The following KLRG1 variants were observed in gnomAD, a reference collection of about 807,000 sequenced individuals.
KLRG1 encodes killer cell lectin-like receptor subfamily G member 1.
A neutral mutation model predicts 21.8 loss-of-function variants in KLRG1; 16 were observed. The ratio of observed to expected loss-of-function variants is 0.73; its 90% CI spans 0.50 to 1.11. The LOEUF is 1.11. Ranked by LOEUF, KLRG1 falls within the 50% of genes most tolerant of loss-of-function variation. The pLI is 0.00. For missense variants in KLRG1, 173 were observed against 218.3 expected (o/e 0.79, Z 1.31); for synonymous variants, 69 against 75.9 (o/e 0.91, Z 0.47).
chr12:8,959,259 C>G (rs2041624), intron 1 of KLRG1, among the ~76,000 whole-genome samples: 55,078 of 151,940 alleles, frequency 0.36, 11,244 homozygotes, highest in Middle Eastern at 0.47. Flanking sequence ...TATCTGGGGT[C>G]GCAAGATTTA....
At chr12:9,009,194 G>A in intron 4 of KLRG1, 119 bp downstream of exon 4, 3 of 840,546 alleles carry the variant, frequency 3.6e-6, no homozygotes, top group East Asian at 2.7e-5. Context: ...ATGAAAAGGA[G>A]AGGAAATAGG....
chr12:9,141,989 A>G, the KLRG1 span, among the ~76,000 whole-genome samples: 1 of 152,214 alleles, frequency 6.6e-6, no homozygotes, highest in Non-Finnish European at 1.5e-5. Context: ...ATTGTACAAC[A>G]TTTCTTGCAT....
the KLRG1 span, among the ~76,000 whole-genome samples, chr12:9,081,502 G>A: frequency 0.38 from 57,358 of 152,062 alleles, 11,535 homozygotes; most frequent in African/African-American, 0.49. Flanking sequence ...AGTCCAACTA[G>A]CTGCTATCCA....
At chr12:9,102,658 CA>C in the KLRG1 span, among the ~76,000 whole-genome samples, 1 of 152,138 alleles carries the variant, frequency 6.6e-6, no homozygotes, top group Non-Finnish European at 1.5e-5. Flanking sequence ...CCCCAGCTCC[CA>C]ATAGCACTAG....
the KLRG1 span, chr12:9,156,316 C>T: frequency 4.7e-6 from 1 of 210,882 alleles, no homozygotes; most frequent in African/African-American, 2.3e-5. Context: ...CAATGTCACC[C>T]TTTGTCCTAC....
At chr12:9,196,307 C>G in the KLRG1 span, 258 of 1,530,218 alleles carry the variant, frequency 1.7e-4, no homozygotes, top group Non-Finnish European at 2.3e-4. Flanking sequence ...CTTTGCTTAC[C>G]TGTGCATTAC....
the KLRG1 span, among the ~76,000 whole-genome samples, chr12:9,130,907 C>T: frequency 3.4e-4 from 52 of 152,140 alleles, no homozygotes; most frequent in Admixed American, 3.3e-3. Context: ...TGTCTGTTTT[C>T]TTCTAGAAAT....
the KLRG1 span, chr12:9,089,122 A>G: frequency 4.5e-5 from 51 of 1,128,570 alleles, no homozygotes; most frequent in African/African-American, 7.2e-4. Flanking sequence ...GAGAAAGTGT[A>G]GGAATAATAT....
At chr12:9,031,872 C>G in the KLRG1 span, among the ~76,000 whole-genome samples, 1 of 152,122 alleles carries the variant, frequency 6.6e-6, no homozygotes, top group Non-Finnish European at 1.5e-5. Flanking sequence ...CTAGTGCTGC[C>G]CTGACAAAGT....
chr12:9,149,481 T>C, the KLRG1 span: 2 of 1,381,960 alleles, frequency 1.4e-6, no homozygotes, highest in African/African-American at 2.9e-5. Context: ...GGAAAAGCCT[T>C]GTAGAGAATT....
At chr12:9,201,080 A>G in the KLRG1 span, 2 of 1,612,960 alleles carry the variant, frequency 1.2e-6, no homozygotes, top group African/African-American at 1.3e-5. Context: ...AACAAGAAAC[A>G]TGGGCGGTAA....
the KLRG1 span, among the ~76,000 whole-genome samples, chr12:9,040,407 CAGG>C: frequency 8.5e-5 from 13 of 152,156 alleles, no homozygotes; most frequent in Admixed American, 8.5e-4. Flanking sequence ...AGGTTGAAAT[CAGG>C]AGGTTTTTCA....
chr12:9,038,125 G>A, the KLRG1 span, among the ~76,000 whole-genome samples: 1 of 152,286 alleles, frequency 6.6e-6, no homozygotes, highest in South Asian at 2.1e-4. Flanking sequence ...GCTGGGTGTG[G>A]TGGTGCTTGC....
chr12:9,149,479 C>T, the KLRG1 span: 1 of 1,377,800 alleles, frequency 7.3e-7, no homozygotes, highest in Non-Finnish European at 1.0e-6. Context: ...TAGGAAAAGC[C>T]TTGTAGAGAA....
In KLRG1 at chr12:9,009,025, G is replaced by A. The variant is rs1947561276; in HGVS notation, c.408G>A (p.Arg136=). 3.7e-6 allele frequency: 6 copies of A among 1,613,864 alleles called. No individual in the cohort carries two copies. The highest frequency in any genetic ancestry group is 3.4e-6 in the Non-Finnish European group (4 of 1,179,932). Residue 136 remains arginine (R), a synonymous_variant, in exon 4 of 5, where the codon AGG becomes AGA. Transcript: ENST00000356986. ...LSEAFCWIGL[R]NNSGWRWEDG... is the part of the protein sequence containing the mutation. ...AGGCCTTTTGCTGGATTGGTCTGAG[G>A]AACAATTCTGGCTGGAGGTGGGAAG... is the stretch of plus-strand genomic sequence containing the variant.
chr12:9,111,864 A>G, the KLRG1 span: 1 of 436,278 alleles, frequency 2.3e-6, no homozygotes, highest in East Asian at 4.8e-5. Context: ...TTCTTTGAGG[A>G]TTTTTCTGTG....
the KLRG1 span, chr12:9,166,261 A>C: frequency 6.4e-7 from 1 of 1,554,946 alleles, no homozygotes; most frequent in South Asian, 1.2e-5. Flanking sequence ...CATGGTGCAC[A>C]TGTGAGACGT....
At chr12:9,087,162 T>C in the KLRG1 span, among the ~76,000 whole-genome samples, 25 of 152,184 alleles carry the variant, frequency 1.6e-4, no homozygotes, top group African/African-American at 6.0e-4. Flanking sequence ...TGTTCATGGA[T>C]TGGAAGAATT....
At chr12:9,183,788 T>C in the KLRG1 span, among the ~76,000 whole-genome samples, 2 of 152,226 alleles carry the variant, frequency 1.3e-5, no homozygotes, top group African/African-American at 4.8e-5. Flanking sequence ...TTTTTCCAAC[T>C]TCATGCAAAT....
Sources: gnomAD v4.1 joint callset for allele counts (sites outside exome capture counted in the v4.1 genomes callset) on GRCh38, gnomAD v4.1.1 for gene constraint, MANE v1.5 for transcripts, NCBI Gene and HGNC (gene_info 2026-07-23, HGNC 2026-07-21) for gene names.